The following CSNK2A1 variants were observed in gnomAD, a reference collection of about 807,000 sequenced individuals.
CSNK2A1 encodes the protein casein kinase II subunit alpha.
Under a neutral mutation model 62.9 loss-of-function variants are expected in CSNK2A1, and 10 were observed. The ratio of observed to expected loss-of-function variants is 0.16; its 90% CI spans 0.10 to 0.27. CSNK2A1 has a LOEUF of 0.27. Ranked by LOEUF, CSNK2A1 falls within the 10% of genes least tolerant of loss-of-function variation. The pLI is 1.00. For synonymous variants in CSNK2A1, 124 were observed against 167.8 expected (o/e 0.74, Z 2.02); for missense variants, 160 against 492.0 (o/e 0.33, Z 6.38).
rs1568507949 is a variant in CSNK2A1 at position 492,359 on chromosome 20, T to C, written c.516A>G (p.Arg172=). The change falls in exon 9 of 14, where the codon CGA becomes CGG. Residue 172 remains arginine, a synonymous_variant. Transcript: ENST00000217244. ...ACTCAGCCAAACCCCAGTCTATTAG[T>C]CGTAGCTGAAAAAGAATAAACCATG... ...VMIDHEHRKL[R]LIDWGLAEFY... 1.9e-6 allele frequency: 3 copies of C among 1,614,070 alleles called. No homozygotes were observed. Among genetic ancestry groups the C allele is most frequent in the African/African-American group, 1.3e-5 (1 of 75,040 alleles).
rs558519341 is a variant in CSNK2A1, at chr20:516,001, G to A, written c.-109-7341C>T. On this transcript the variant is annotated intron_variant, in intron 2 of 13. Coordinates refer to ENST00000217244, the MANE Select transcript of CSNK2A1 (RefSeq NM_177559.3). ...AACTAGGATTTGTCTTTTTCCCCTC[G>A]ATAATTCAAATTAAGAGAATACTGA... is the stretch of plus-strand genomic sequence containing the variant. Among the ~76,000 whole-genome samples the A allele has an allele frequency of 3.9e-5, 6 of 151,994 alleles. No individual in the cohort carries two copies. The South Asian group carries it at 6.2e-4, about 16-fold the overall frequency.
Position 473,811 on chromosome 20 carries a change from GTTGA to G in CSNK2A1, c.*10146_*10149del, listed in dbSNP as rs2017797527. 6.6e-6 allele frequency: 1 copy of G among 152,234 alleles called. No individual in the cohort carries two copies. Among genetic ancestry groups the G allele is most frequent in the Non-Finnish European group, 1.5e-5 (1 of 68,070 alleles). 9.4% of individuals were successfully genotyped at this position (152,234 alleles called of 1,614,324 possible). On this transcript the variant is annotated 3_prime_UTR_variant, in exon 14 of 14. Transcript: ENST00000217244. ...CTGTCTCTCCTTAGATTTGAAGCCA[GTTGA>G]TTGTCTTCTGATCTCAGCTCTCCAG... is the stretch of plus-strand genomic sequence containing the variant.
At position 479,223 on chromosome 20, in the gene CSNK2A1, A is replaced by G. The variant is rs181872978; in HGVS notation, c.*4738T>C. Reference sequence around the variant, plus strand: ...CTATAATGTAGCATCCTTTTACTGTACATAGTCTGCACAACTGTACAATTT... The same window carrying G: ...CTATAATGTAGCATCCTTTTACTGTGCATAGTCTGCACAACTGTACAATTT... On this transcript the variant is annotated 3_prime_UTR_variant, in exon 14 of 14. Coordinates refer to ENST00000217244, the MANE Select transcript of CSNK2A1 (RefSeq NM_177559.3). The G allele has an allele frequency of 3.6e-4, 55 of 152,424 alleles. No homozygotes were observed. The highest frequency in any genetic ancestry group is 1.1e-3 in the African/African-American group (46 of 41,576). 9.4% of individuals were successfully genotyped at this position (152,424 alleles called of 1,614,324 possible). A position where few individuals can be genotyped will look rare whatever the true frequency, so the allele number is the denominator to read the frequency against.
At chr20:485,145 T>G (rs2018069633) in intron 13 of CSNK2A1, among the ~76,000 whole-genome samples, 1 of 104,450 alleles carries the variant, frequency 9.6e-6, no homozygotes. Context: ...TATGAGAACA[T>G]TATTATACAT....
chr20:489,364 T>C (rs2018167423), intron 10 of CSNK2A1: 1 of 218,396 alleles, frequency 4.6e-6, no homozygotes, highest in East Asian at 9.4e-5. Context: ...CAGGTTCTTG[T>C]GAATGAAAGA....
In CSNK2A1 at chr20:505,516, T is replaced by A. The variant is rs139172771; in HGVS notation, c.102-287A>T. On this transcript the variant is annotated intron_variant, in intron 3 of 13. Transcript: ENST00000217244. ...CTGGGACCACAGGCGCCTGCCACCA[T>A]GCCCGGCTAATTTTTTGAATTTTTA... Among the ~76,000 whole-genome samples the A allele has an allele frequency of 6.3e-3, 950 of 151,366 alleles. 11 individuals are homozygous for A. Among genetic ancestry groups the A allele is most frequent in the African/African-American group, 0.021 (866 of 41,246 alleles).
At chr20:498,641 C>T (rs1390282223) in intron 6 of CSNK2A1, 2 of 152,214 alleles carry the variant, frequency 1.3e-5, no homozygotes, top group Non-Finnish European at 2.9e-5. Context: ...TAATATATAA[C>T]ATTCTGGATA....
chr20:515,305 T>C (rs1231899666), intron 2 of CSNK2A1, among the ~76,000 whole-genome samples: 2 of 152,226 alleles, frequency 1.3e-5, no homozygotes, highest in African/African-American at 2.4e-5. Context: ...GTGCCATTCA[T>C]GGAGATAAGA....
Position 484,695 on chromosome 20 carries a change from TG to T in CSNK2A1, c.1061-620del, listed in dbSNP as rs1179758386. Among the ~76,000 whole-genome samples, 493 of 57,854 alleles carry T rather than the reference TG, an allele frequency of 8.5e-3. 3 individuals carry two copies. Among genetic ancestry groups the T allele is most frequent in the African/African-American group, 0.042 (459 of 10,992 alleles). The allele number at this position is 57,854 out of a possible 152,430, so 38.0% of individuals were successfully genotyped here. Reference sequence around the variant, plus strand: ...TCTTCCACCTCTCTAATCATGTTTTTGTGTGTGTGTGTGTGTGTGTGTGTGT... The same window carrying T: ...TCTTCCACCTCTCTAATCATGTTTTTTGTGTGTGTGTGTGTGTGTGTGTGT... On this transcript the variant is annotated intron_variant, in intron 13 of 13. Coordinates refer to ENST00000217244, the MANE Select transcript of CSNK2A1 (RefSeq NM_177559.3).
chr20:538,709 G>A (rs1277758168), intron 1 of CSNK2A1, among the ~76,000 whole-genome samples: 1 of 152,138 alleles, frequency 6.6e-6, no homozygotes, highest in Non-Finnish European at 1.5e-5. Context: ...TGGGGTGGGA[G>A]GTGTGAGAGA....
At chr20:520,885 A>G (rs1012619615) in intron 2 of CSNK2A1, among the ~76,000 whole-genome samples, 9 of 152,238 alleles carry the variant, frequency 5.9e-5, no homozygotes, top group African/African-American at 2.2e-4. Context: ...ATTCATAATG[A>G]ATCACAGATA....
At chr20:533,181 C>T (rs189292288) in intron 1 of CSNK2A1, among the ~76,000 whole-genome samples, 2 of 152,302 alleles carry the variant, frequency 1.3e-5, no homozygotes, top group East Asian at 1.9e-4. Context: ...GACTCTCTGA[C>T]CTTTAAGTCC....
At chr20:485,174 G>C (rs13037070) in intron 13 of CSNK2A1, among the ~76,000 whole-genome samples, 2 of 118,082 alleles carry the variant, frequency 1.7e-5, no homozygotes, top group Non-Finnish European at 3.3e-5. Context: ...ACTCCTCTTA[G>C]ACATGGCTCT....
intron 6 of CSNK2A1, chr20:498,040 T>A (rs2042005680): frequency 2.8e-6 from 1 of 354,602 alleles, no homozygotes; most frequent in Non-Finnish European, 5.2e-6. Flanking sequence ...TCTAGATACG[T>A]TAATATGCAC....
At chr20:487,366 G>A (rs969516101) in intron 12 of CSNK2A1, 61 bp downstream of exon 12, 10 of 1,599,398 alleles carry the variant, frequency 6.3e-6, no homozygotes, top group African/African-American at 2.7e-5. Flanking sequence ...CTGGGATTAC[G>A]ACTCTGTTCT....
intron 1 of CSNK2A1, among the ~76,000 whole-genome samples, chr20:541,599 A>C (rs2019451736): frequency 6.6e-6 from 1 of 152,196 alleles, no homozygotes; most frequent in Admixed American, 6.5e-5. Context: ...TAGGAAAAGG[A>C]CGCGCAGTAT....
rs1160369923 is a variant in CSNK2A1, at chr20:543,595, G to C, written c.-227+77C>G. 27 of 397,208 alleles carry C rather than the reference G, an allele frequency of 6.8e-5. No homozygotes were observed. The East Asian group carries it at 7.8e-4, about 12-fold the overall frequency. The allele number at this position is 397,208 out of a possible 1,614,324, so 24.6% of individuals were successfully genotyped here. ...GCTCAGGAGTCTGCTGGAAGCGTGA[G>C]GGTCGGCCGCGCTCCGCTGCCCTAT... On this transcript the variant is annotated intron_variant, in intron 1 of 13. Coordinates refer to ENST00000217244, the MANE Select transcript of CSNK2A1 (RefSeq NM_177559.3).
At chr20:524,323 C>T (rs902347522) in intron 2 of CSNK2A1, among the ~76,000 whole-genome samples, 5 of 147,728 alleles carry the variant, frequency 3.4e-5, no homozygotes, top group Non-Finnish European at 5.9e-5. Flanking sequence ...CTCTTAGAGG[C>T]TGAGGCAGGG....
At chr20:505,070 T>A in intron 4 of CSNK2A1, 48 bp downstream of exon 4, 1 of 1,497,926 alleles carries the variant, frequency 6.7e-7, no homozygotes, top group East Asian at 2.4e-5. Flanking sequence ...AAAACTACTT[T>A]TAAAAATCTA....
Sources: gnomAD v4.1 joint callset for allele counts (sites outside exome capture counted in the v4.1 genomes callset) on GRCh38, gnomAD v4.1.1 for gene constraint, MANE v1.5 for transcripts, NCBI Gene and HGNC (gene_info 2026-07-23, HGNC 2026-07-21) for gene names.